Variants in RARB observed in about 807,000 individuals in gnomAD.
The protein encoded by RARB is retinoic acid receptor beta, also known as HBV-activated protein.
Under a neutral mutation model 51.9 loss-of-function variants are expected in RARB, and 17 were observed. The ratio of observed to expected loss-of-function variants is 0.33; its 90% CI spans 0.22 to 0.49. The LOEUF (loss-of-function observed/expected upper bound fraction) is 0.49. RARB is among the 20% of genes least tolerant of loss of function. The pLI is 0.99. For synonymous variants in RARB, 215 were observed against 195.4 expected, an observed-to-expected ratio of 1.10 and a Z score of -0.84; for missense variants, 369 against 550.8, an observed-to-expected ratio of 0.67 and a Z score of 3.30.
At chr3:25,517,386 G>T (rs1019828729) in intron 3 of RARB, among the ~76,000 whole-genome samples, 4 of 152,136 alleles carry the variant, frequency 2.6e-5, no homozygotes, top group African/African-American at 9.7e-5. Context: ...ATAAATACAT[G>T]AAAAGATGTT....
At chr3:25,334,655 G>A (rs1220035923) in intron 5 of RARB, among the ~76,000 whole-genome samples, 3 of 152,156 alleles carry the variant, frequency 2.0e-5, no homozygotes, top group Admixed American at 6.5e-5. Flanking sequence ...TTGTGCACAT[G>A]TACCCTAGAA....
At chr3:24,937,280 T>C (rs1695565673) in intron 2 of RARB, among the ~76,000 whole-genome samples, 1 of 152,140 alleles carries the variant, frequency 6.6e-6, no homozygotes, top group African/African-American at 2.4e-5. Flanking sequence ...CTCAATTTGG[T>C]TCAATGTATG....
intron 3 of RARB, among the ~76,000 whole-genome samples, chr3:25,084,330 A>G (rs1023223519): frequency 2.6e-5 from 4 of 152,188 alleles, no homozygotes; most frequent in Admixed American, 6.5e-5. Flanking sequence ...TGTTTTGTCC[A>G]GATTTATAGT....
chr3:24,907,015 T>G (rs1172098990), intron 2 of RARB, among the ~76,000 whole-genome samples: 1 of 152,098 alleles, frequency 6.6e-6, no homozygotes, highest in Non-Finnish European at 1.5e-5. Context: ...AGATATCCAG[T>G]AGGAATATCT....
intron 5 of RARB, among the ~76,000 whole-genome samples, chr3:25,420,099 T>TGC (rs1559393211): frequency 6.6e-6 from 1 of 152,162 alleles, no homozygotes; most frequent in Non-Finnish European, 1.5e-5. Flanking sequence ...TGTGTGTGTG[T>TGC]GCGCGCGTGT....
At chr3:25,275,616 G>A (rs1353817094) in intron 5 of RARB, among the ~76,000 whole-genome samples, 1 of 152,198 alleles carries the variant, frequency 6.6e-6, no homozygotes, top group Non-Finnish European at 1.5e-5. Flanking sequence ...CTGTCCTATA[G>A]CCGAGAAGCC....
intron 5 of RARB, among the ~76,000 whole-genome samples, chr3:25,202,261 A>C (rs1010227151): frequency 5.3e-5 from 8 of 151,898 alleles, no homozygotes; most frequent in Admixed American, 1.3e-4. Flanking sequence ...GTTTGTATTT[A>C]TGTGGGATTG....
At chr3:25,501,368 T>G in intron 3 of RARB, 45 bp downstream of exon 3, 1 of 1,596,194 alleles carries the variant, frequency 6.3e-7, no homozygotes, top group Middle Eastern at 1.7e-4. Context: ...TCCTTATCTC[T>G]GTGATTTGCT....
At chr3:25,275,569 A>G (rs1162311120) in intron 5 of RARB, among the ~76,000 whole-genome samples, 1 of 152,200 alleles carries the variant, frequency 6.6e-6, no homozygotes, top group Non-Finnish European at 1.5e-5. Flanking sequence ...CTTTGATAAT[A>G]TGTATCACCT....
intron 1 of RARB, among the ~76,000 whole-genome samples, chr3:25,449,824 T>C (rs928078212): frequency 3.3e-5 from 5 of 151,844 alleles, no homozygotes; most frequent in African/African-American, 4.8e-5. Context: ...CGATCTCGGC[T>C]CACTGCAACC....
chr3:25,004,122 A>G (rs1697220995), intron 2 of RARB, among the ~76,000 whole-genome samples: 1 of 152,082 alleles, frequency 6.6e-6, no homozygotes, highest in East Asian at 1.9e-4. Flanking sequence ...TTGTGCCACC[A>G]TTTCAAGAGC....
intron 3 of RARB, among the ~76,000 whole-genome samples, chr3:25,565,215 A>G (rs1288251209): frequency 1.3e-5 from 2 of 152,170 alleles, no homozygotes; most frequent in Non-Finnish European, 2.9e-5. Flanking sequence ...TATCACTCAC[A>G]GGATGCATGG....
At chr3:25,178,207 G>T (rs1700794222) in intron 5 of RARB, among the ~76,000 whole-genome samples, 1 of 152,078 alleles carries the variant, frequency 6.6e-6, no homozygotes, top group African/African-American at 2.4e-5. Flanking sequence ...GAACTTGAAA[G>T]CATCTTCTGT....
At chr3:25,141,013 G>A (rs1432805946) in intron 4 of RARB, among the ~76,000 whole-genome samples, 1 of 152,038 alleles carries the variant, frequency 6.6e-6, no homozygotes, top group Non-Finnish European at 1.5e-5. Context: ...AATCTCATAT[G>A]CCCTGGGAAA....
intron 2 of RARB, among the ~76,000 whole-genome samples, chr3:24,981,194 G>A (rs543840364): frequency 6.6e-6 from 1 of 152,266 alleles, no homozygotes; most frequent in South Asian, 2.1e-4. Context: ...CCCCTCCTGG[G>A]AGATGTCTCC....
At chr3:25,312,770 A>C (rs1276544236) in intron 5 of RARB, among the ~76,000 whole-genome samples, 2 of 152,218 alleles carry the variant, frequency 1.3e-5, no homozygotes, top group Non-Finnish European at 2.9e-5. Context: ...AGATGGCCCC[A>C]CTGGGGAACA....
At chr3:25,292,481 G>C (rs1703814115) in intron 5 of RARB, among the ~76,000 whole-genome samples, 2 of 152,166 alleles carry the variant, frequency 1.3e-5, no homozygotes, top group South Asian at 4.1e-4. Flanking sequence ...GTGGGAAGAA[G>C]AGATGGGGAA....
At chr3:24,925,493 T>C (rs975644692) in intron 2 of RARB, among the ~76,000 whole-genome samples, 2 of 151,540 alleles carry the variant, frequency 1.3e-5, no homozygotes, top group Non-Finnish European at 2.9e-5. Context: ...AAATACAAAA[T>C]TTAGCTGGGC....
intron 5 of RARB, among the ~76,000 whole-genome samples, chr3:25,188,740 T>G (rs1490763596): frequency 1.4e-5 from 1 of 73,884 alleles, no homozygotes; most frequent in African/African-American, 5.7e-5. Flanking sequence ...ATACATCATC[T>G]TGTTTTTTAC....
Sources: gnomAD v4.1 joint callset for allele counts (sites outside exome capture counted in the v4.1 genomes callset) on GRCh38, gnomAD v4.1.1 for gene constraint, MANE v1.5 for transcripts, NCBI Gene and HGNC (gene_info 2026-07-23, HGNC 2026-07-21) for gene names.